The following CACTIN variants were observed in gnomAD, a reference collection of about 807,000 sequenced individuals.
The protein encoded by CACTIN is splicing factor Cactin.
In CACTIN, 20 loss-of-function variants were observed where a neutral mutation model predicts 84.9. The observed-to-expected ratio is 0.24, with a 90% CI of 0.17 to 0.34. The LOEUF (loss-of-function observed/expected upper bound fraction) is 0.34. Ranked by LOEUF, CACTIN falls within the 10% of genes least tolerant of loss-of-function variation. CACTIN has a pLI of 1.00. For missense variants in CACTIN, 897 were observed against 1,117.2 expected (o/e 0.80, Z 2.81); for synonymous variants, 549 against 467.9 (o/e 1.17, Z -2.24).
In CACTIN at chr19:3,611,725, C is replaced by T. The variant is rs1479720691; in HGVS notation, c.*198G>A. On this transcript the variant is annotated 3_prime_UTR_variant, in exon 10 of 10. Transcript: ENST00000429344. ...CCAGCCTGTCCCAGTGTCTCCTCAG[C>T]TCACCATGGCAGGCTCAATGGTGAC... 2.8e-6 allele frequency: 2 copies of T among 720,386 alleles called. No individual in the cohort carries two copies. Among genetic ancestry groups the T allele is most frequent in the Non-Finnish European group, 4.8e-6 (2 of 420,670 alleles). 44.6% of individuals were successfully genotyped at this position (720,386 alleles called of 1,614,324 possible).
At chr19:3,624,961 G>A (rs1351711985) in intron 1 of CACTIN, among the ~76,000 whole-genome samples, 1 of 151,690 alleles carries the variant, frequency 6.6e-6, no homozygotes, top group Admixed American at 6.6e-5. Context: ...CATGATCAGA[G>A]CTCACTGCAG....
intron 9 of CACTIN, chr19:3,612,815 G>T (rs1568290563): frequency 1.4e-6 from 1 of 709,656 alleles, no homozygotes. Flanking sequence ...TGCTCGGACA[G>T]CGGCCGGTAA....
rs879617658 is a variant in CACTIN, at chr19:3,612,368, T to C, written c.1832A>G (p.Lys611Arg). 45 of 1,606,786 alleles carry C rather than the reference T, an allele frequency of 2.8e-5. No homozygotes were observed. Among genetic ancestry groups the C allele is most frequent in the African/African-American group, 6.7e-5 (5 of 74,894 alleles). ...CGCCTCGTCCTGGCCCATGCCCTCC[T>C]TGGCCCGCCGGAAGAAGATGTCCTC... ...SAEDIFFRRA[K>R]EGMGQDEAQF... Residue 611 changes from lysine (K) to arginine (R), a missense_variant, in exon 10 of 10, where the codon AAG becomes AGG. Lys to Arg is a conservative substitution (Grantham distance 26). Around this residue, in one of 8 missense-constraint regions of CACTIN, gnomAD observed 243 missense variants for 239.9 expected, o/e 1.01. Coordinates refer to ENST00000429344, the MANE Select transcript of CACTIN (RefSeq NM_001080543.2).
chr19:3,624,641 G>A (rs781629762), intron 1 of CACTIN, among the ~76,000 whole-genome samples: 3 of 152,104 alleles, frequency 2.0e-5, no homozygotes, highest in South Asian at 2.1e-4. Context: ...GAGGAGGCGC[G>A]GGCAGGGAGG....
rs200590131 is a variant in CACTIN at position 3,620,707 on chromosome 19, C to T, written c.738G>A (p.Lys246=). 290 of 1,609,600 alleles carry T rather than the reference C, an allele frequency of 1.8e-4. No homozygotes were observed. The African/African-American group carries it at 3.7e-3, about 21-fold the overall frequency. Residue 246 remains lysine (K), a splice_region_variant and synonymous_variant, in exon 3 of 10, where the codon AAG becomes AAA. Transcript: ENST00000429344. ...CCCAGTGGGCTGGCAGGGTGCCTAC[C>T]TTCTGCAGCTCCAGCCGGTTGTCCT... is the stretch of plus-strand genomic sequence containing the variant. ...IQEDNRLELQ[K]VKQLRLERER...
In CACTIN at chr19:3,623,802, G is replaced by A. The variant is rs1568296851; in HGVS notation, c.528C>T (p.Ala176=). Residue 176 remains alanine (A), a synonymous_variant, in exon 2 of 10, where the codon GCC becomes GCT. Coordinates refer to ENST00000429344, the MANE Select transcript of CACTIN (RefSeq NM_001080543.2). ...KRARRLAKKE[A]KERKKREKMG... is the part of the protein sequence containing the mutation. ...TCTTCTCCCGCTTCTTGCGCTCCTT[G>A]GCCTCCTTCTTGGCCAGCCGCCGTG... 1 of 1,613,832 alleles carries A rather than the reference G, an allele frequency of 6.2e-7. No individual in the cohort carries two copies. Among genetic ancestry groups the A allele is most frequent in the Non-Finnish European group, 8.5e-7 (1 of 1,179,888 alleles).
Position 3,626,708 on chromosome 19 carries a change from G to A in CACTIN, c.55C>T (p.Arg19Trp). The A allele has an allele frequency of 1.3e-6, 2 of 1,502,360 alleles. No homozygotes were observed. Among genetic ancestry groups the A allele is most frequent in the Non-Finnish European group, 8.8e-7 (1 of 1,132,556 alleles). The allele number at this position is 1,502,360 out of a possible 1,614,324, so 93.1% of individuals were successfully genotyped here. A position where few individuals can be genotyped will look rare whatever the true frequency, so the allele number is the denominator to read the frequency against. ...SRSAGRRGRRRQSQSGSRSRS... is the reference protein window; with the variant it reads ...SRSAGRRGRRWQSQSGSRSRS... ...CTTCGGCTCCCGCTCTGACTCTGCC[G>A]CCTTCGGCCCCGGCGACCCGCGGAC... is the stretch of plus-strand genomic sequence containing the variant. The change falls in exon 1 of 10, where the codon CGG (arginine) becomes TGG (tryptophan). Residue 19 changes from arginine to tryptophan, a missense_variant. Coordinates refer to ENST00000429344, the MANE Select transcript of CACTIN (RefSeq NM_001080543.2).
chr19:3,612,226 G>A lies in CACTIN; in HGVS notation c.1974C>T (p.Tyr658=). 1 of 1,613,362 alleles carries A rather than the reference G, an allele frequency of 6.2e-7. No homozygotes were observed. The highest frequency in any genetic ancestry group is 8.5e-7 in the Non-Finnish European group (1 of 1,179,896). The change falls in exon 10 of 10, where the codon TAC becomes TAT. Residue 658 remains tyrosine, a synonymous_variant. Coordinates refer to ENST00000429344, the MANE Select transcript of CACTIN (RefSeq NM_001080543.2). ...TGTCAAAGTCGTAGTGCGTCTGGTT[G>A]TACTTGTTCCACTCGAAGCCCGTGT... ...RVHTGFEWNK[Y]NQTHYDFDNP...
intron 1 of CACTIN, among the ~76,000 whole-genome samples, chr19:3,625,193 C>T (rs1319191239): frequency 1.3e-5 from 2 of 152,150 alleles, no homozygotes; most frequent in African/African-American, 4.8e-5. Flanking sequence ...CGCTCAGTCA[C>T]GTTTAGGGGT....
Position 3,614,526 on chromosome 19 carries a change from T to A in CACTIN, c.1226A>T (p.Lys409Met). 6.2e-7 allele frequency: 1 copy of A among 1,609,142 alleles called. No individual in the cohort carries two copies. The highest frequency in any genetic ancestry group is 1.1e-5 in the South Asian group (1 of 90,050). Residue 409 changes from lysine (K) to methionine (M), a missense_variant, in exon 7 of 10, where the codon AAG becomes ATG. By Grantham distance (95) the Lys-to-Met change is moderately conservative. Coordinates refer to ENST00000429344, the MANE Select transcript of CACTIN (RefSeq NM_001080543.2). Reference protein sequence around the residue: ...SSDVQSVFKGKTYNQLQVIFQ... With the variant: ...SSDVQSVFKGMTYNQLQVIFQ... The stretch of plus-strand genomic sequence containing the variant: ...GATGACCTGCAGCTGGTTGTATGTC[T>A]TCCCCTTGAACACCGACTGCACATC...
intron 6 of CACTIN, 158 bp from the exon 7 acceptor site, chr19:3,614,747 TC>T: frequency 1.5e-6 from 1 of 653,064 alleles, no homozygotes; most frequent in Non-Finnish European, 2.7e-6. Flanking sequence ...TCTCAGGTTG[TC>T]CCCACCCTGG....
chr19:3,618,856 G>A lies in CACTIN; in HGVS notation c.1162+19C>T, dbSNP rs1012655459. 1.5e-5 allele frequency: 23 copies of A among 1,533,640 alleles called. No homozygotes were observed. In the African/African-American group the frequency reaches 2.6e-4, roughly 17 times the overall value. On this transcript the variant is annotated intron_variant, in intron 6 of 9. Transcript: ENST00000429344. ...GCCCCCGCAGCTCCCCTGGAGCCCA[G>A]GCCCATGCCCGCCGTTACCTGGCCC...
chr19:3,613,736 T>C (rs963646897), intron 7 of CACTIN, 150 bp from the exon 8 acceptor site: 27 of 1,169,156 alleles, frequency 2.3e-5, no homozygotes, highest in African/African-American at 3.1e-5. Flanking sequence ...CCAGGCTTGG[T>C]CAGTTCAGGG....
chr19:3,620,622 A>T, intron 3 of CACTIN, 85 bp downstream of exon 3: 2 of 1,063,634 alleles, frequency 1.9e-6, no homozygotes, highest in Non-Finnish European at 2.7e-6. Flanking sequence ...CTTCCCACTT[A>T]AGCCCCTCAA....
At position 3,615,970 on chromosome 19, in the gene CACTIN, G is replaced by A. The variant is rs1357575944; in HGVS notation, c.1163-1381C>T. 1 of 152,028 alleles carries A rather than the reference G, an allele frequency of 6.6e-6. No homozygotes were observed. Among genetic ancestry groups the A allele is most frequent in the African/African-American group, 2.4e-5 (1 of 41,388 alleles). 9.4% of individuals were successfully genotyped at this position (152,028 alleles called of 1,614,324 possible). On this transcript the variant is annotated intron_variant, in intron 6 of 9. Transcript: ENST00000429344. The surrounding 1 kb of genome is among the most constrained non-coding windows in gnomAD (Gnocchi z 5.2). ...GGCTACCACGAACACTGAAACCCAA[G>A]CAGAAGAGCCCAGCCGCGAGGCTCC... is the stretch of plus-strand genomic sequence containing the variant.
At chr19:3,623,173 T>C (rs1293354270) in intron 2 of CACTIN, among the ~76,000 whole-genome samples, 1 of 152,122 alleles carries the variant, frequency 6.6e-6, no homozygotes, top group African/African-American at 2.4e-5. Context: ...AGGTCAAGGC[T>C]GCAGTTAGCC....
At chr19:3,614,774 G>A (rs998065699) in intron 6 of CACTIN, 185 bp from the exon 7 acceptor site, 22 of 612,930 alleles carry the variant, frequency 3.6e-5, no homozygotes, top group Non-Finnish European at 5.5e-5. Flanking sequence ...GCGGAGGGGA[G>A]GGGGTGGGCG....
In CACTIN at chr19:3,623,879, T is replaced by C; in HGVS notation, c.451A>G (p.Lys151Glu). 1 of 1,608,246 alleles carries C rather than the reference T, an allele frequency of 6.2e-7. No homozygotes were observed. The highest frequency in any genetic ancestry group is 8.5e-7 in the Non-Finnish European group (1 of 1,179,798). Residue 151 changes from lysine (K) to glutamate (E), a missense_variant, in exon 2 of 10, where the codon AAG (lysine) becomes GAG (glutamate). Lys to Glu is a moderately conservative substitution (Grantham distance 56). Coordinates refer to ENST00000429344, the MANE Select transcript of CACTIN (RefSeq NM_001080543.2). Reference sequence around the variant, plus strand: ...GCCTTCATCAGCTCCTCCTGCTGCTTCCGCTCCTCCCGCAGCCGCAGCCGC... The same window carrying C: ...GCCTTCATCAGCTCCTCCTGCTGCTCCCGCTCCTCCCGCAGCCGCAGCCGC... ...QERLRLREER[K>E]QQEELMKAFE...
chr19:3,619,194 C>T lies in CACTIN; in HGVS notation c.933G>A (p.Leu311=). Residue 311 remains leucine, a synonymous_variant, in exon 5 of 10, where the codon CTG becomes CTA. Coordinates refer to ENST00000429344, the MANE Select transcript of CACTIN (RefSeq NM_001080543.2). ...CATCCTCAGCGCTGATGTACTTGGC[C>T]AGCAGGTCGATGGGCTTGGCCCGCC... ...RDGRAKPIDL[L]AKYISAEDDD... is the part of the protein sequence containing the mutation. 6.2e-7 allele frequency: 1 copy of T among 1,613,558 alleles called. No individual in the cohort carries two copies. The highest frequency in any genetic ancestry group is 8.5e-7 in the Non-Finnish European group (1 of 1,179,804).
Sources: allele counts gnomAD v4.1 joint callset (sites outside exome capture counted in the v4.1 genomes callset), GRCh38; gene constraint gnomAD v4.1.1; regional missense constraint gnomAD v4.1.1; non-coding constraint Gnocchi (gnomAD v3.1); transcripts MANE v1.5; gene names NCBI Gene and HGNC (gene_info 2026-07-23, HGNC 2026-07-21).